Variants in LCA5L observed in about 807,000 individuals in gnomAD.
The protein encoded by LCA5L is lebercilin-like protein.
A neutral mutation model predicts 45.4 loss-of-function variants in LCA5L; 35 were observed. The observed-to-expected ratio is 0.77, with a 90% CI of 0.59 to 1.02. LCA5L has a LOEUF of 1.02. Among genes scored for constraint, LCA5L ranks in the 50% least tolerant of loss-of-function variants. The pLI is 0.00. For synonymous variants in LCA5L, 233 were observed against 264.7 expected (o/e 0.88, Z 1.16); for missense variants, 668 against 761.6 (o/e 0.88, Z 1.45).
At chr21:39,423,826 G>A (rs2074159807) in intron 5 of LCA5L, among the ~76,000 whole-genome samples, 1 of 152,086 alleles carries the variant, frequency 6.6e-6, no homozygotes, top group Admixed American at 6.6e-5. Context: ...TCTAAAATCT[G>A]TACTTAGATT....
At position 39,423,128 on chromosome 21, in the gene LCA5L, T is replaced by C. The variant is rs143721235; in HGVS notation, c.685A>G (p.Arg229Gly). Reference sequence around the variant, plus strand: ...TTCAGTAACTGGCTGTCAGTTTCTCTAAGTTTCCTAGATAGAGTTCTTTCC... The same window carrying C: ...TTCAGTAACTGGCTGTCAGTTTCTCCAAGTTTCCTAGATAGAGTTCTTTCC... ...EKERTLSRKLRETDSQLLKTK... is the reference protein window; with the variant it reads ...EKERTLSRKLGETDSQLLKTK... Residue 229 changes from arginine (R) to glycine (G), a missense_variant, in exon 6 of 11, where the codon AGA (arginine) becomes GGA (glycine). Coordinates refer to ENST00000288350, the MANE Select transcript of LCA5L (RefSeq NM_152505.4). The C allele has an allele frequency of 5.3e-4, 850 of 1,613,924 alleles. 8 individuals carry two copies. In the African/African-American group the frequency reaches 9.8e-3, roughly 19 times the overall value.
At chr21:39,406,641 C>A in intron 10 of LCA5L, 29 bp from the exon 11 acceptor site, 1 of 1,511,026 alleles carries the variant, frequency 6.6e-7, no homozygotes, top group South Asian at 1.3e-5. Context: ...CAATTTAGTG[C>A]TGTTTAAAAT....
rs1282834845 is a variant in LCA5L at position 39,428,452 on chromosome 21, A to G, written c.42T>C (p.His14=). The G allele has an allele frequency of 6.2e-7, 1 of 1,611,814 alleles. No homozygotes were observed. The highest frequency in any genetic ancestry group is 2.2e-5 in the East Asian group (1 of 44,856). Residue 14 remains histidine (H), a synonymous_variant, in exon 5 of 11, where the codon CAT becomes CAC. Transcript: ENST00000288350. ...TGTTTTCTAATGCCACGCCGAAGAAATGCTCATCTATATTTGTTTTTGTTA... is the reference window on the plus strand; with the variant it reads ...TGTTTTCTAATGCCACGCCGAAGAAGTGCTCATCTATATTTGTTTTTGTTA... ...ADLTKTNIDE[H]FFGVALENNR...
rs66478742 is a variant in LCA5L at position 39,414,742 on chromosome 21, C to CTGTGTGTG, written c.976-2948_976-2941dup. On this transcript the variant is annotated intron_variant, in intron 7 of 10. Transcript: ENST00000288350. ...TCTCTCTCTCTCTCTCTCTCTCTCT[C>CTGTGTGTG]TGTGTGTGTGTGTGTGTGTGTGTGT... Among the ~76,000 whole-genome samples the CTGTGTGTG allele has an allele frequency of 2.8e-3, 282 of 99,224 alleles. 6 individuals are homozygous for CTGTGTGTG. Among genetic ancestry groups the CTGTGTGTG allele is most frequent in the African/African-American group, 8.3e-3 (188 of 22,728 alleles). The allele number at this position is 99,224 out of a possible 152,430, so 65.1% of individuals were successfully genotyped here. A position where few individuals can be genotyped will look rare whatever the true frequency, so the allele number is the denominator to read the frequency against.
At chr21:39,420,404 T>G (rs561744300) in intron 7 of LCA5L, among the ~76,000 whole-genome samples, 1 of 150,464 alleles carries the variant, frequency 6.6e-6, no homozygotes, top group East Asian at 2.0e-4. Flanking sequence ...ATGCCTGTAC[T>G]CCTAGCTACT....
At chr21:39,445,483 T>TGA (rs1384926262) in intron 1 of LCA5L, 1 of 152,264 alleles carries the variant, frequency 6.6e-6, no homozygotes, top group Non-Finnish European at 1.5e-5. Context: ...CCAGCGGGCC[T>TGA]GAGAGTACGT....
chr21:39,410,365 A>T lies in LCA5L; in HGVS notation c.1063T>A (p.Ser355Thr). The T allele has an allele frequency of 6.4e-7, 1 of 1,551,778 alleles. No individual in the cohort carries two copies. Among genetic ancestry groups the T allele is most frequent in the South Asian group, 1.1e-5 (1 of 87,170 alleles). The stretch of plus-strand genomic sequence containing the variant: ...TCTGCTTGGACTGATTTTGTTGAAG[A>T]AACTATGGAACAGGTAGATTATATG... ...LHDTEDYPKV[S>T]STKSVQADRK... Residue 355 changes from serine (S) to threonine (T), a missense_variant and splice_region_variant, in exon 9 of 11, where the codon TCT becomes ACT. Transcript: ENST00000288350.
At chr21:39,431,598 A>C (rs2075728995) in intron 3 of LCA5L, among the ~76,000 whole-genome samples, 1 of 151,758 alleles carries the variant, frequency 6.6e-6, no homozygotes, top group Non-Finnish European at 1.5e-5. Context: ...GCTCACTGCA[A>C]CCTCTGCCTC....
At chr21:39,426,347 A>G (rs951986436) in intron 5 of LCA5L, among the ~76,000 whole-genome samples, 7 of 152,224 alleles carry the variant, frequency 4.6e-5, no homozygotes, top group Non-Finnish European at 8.8e-5. Context: ...TTAGAATTCG[A>G]AATGCAATTT....
chr21:39,418,366 T>G (rs993717032), intron 7 of LCA5L, among the ~76,000 whole-genome samples: 17 of 152,330 alleles, frequency 1.1e-4, no homozygotes, highest in Admixed American at 7.8e-4. Context: ...TAGATATCCA[T>G]TGTGTGGAGG....
chr21:39,443,936 CAGG>C (rs1225787436), intron 2 of LCA5L, 196 bp downstream of exon 2: 2 of 151,514 alleles, frequency 1.3e-5, no homozygotes, highest in East Asian at 2.0e-4. Flanking sequence ...CAGGCCGAGG[CAGG>C]AGAATTGCTT....
At chr21:39,412,316 G>C (rs892932001) in intron 7 of LCA5L, among the ~76,000 whole-genome samples, 1 of 152,246 alleles carries the variant, frequency 6.6e-6, no homozygotes, top group East Asian at 1.9e-4. Context: ...CAAGGGCCGG[G>C]GGGGAAGCCT....
intron 2 of LCA5L, among the ~76,000 whole-genome samples, chr21:39,442,225 A>T (rs1467124960): frequency 6.6e-6 from 1 of 152,138 alleles, no homozygotes; most frequent in Non-Finnish European, 1.5e-5. Flanking sequence ...ATGCAGACAG[A>T]GAGGAAAGAA....
Position 39,405,851 on chromosome 21 carries a change from A to G in LCA5L, c.*31T>C. 1.4e-6 allele frequency: 2 copies of G among 1,464,064 alleles called. No individual in the cohort carries two copies. The highest frequency in any genetic ancestry group is 1.8e-6 in the Non-Finnish European group (2 of 1,088,006). 90.7% of individuals were successfully genotyped at this position (1,464,064 alleles called of 1,614,324 possible). On this transcript the variant is annotated 3_prime_UTR_variant, in exon 11 of 11. Coordinates refer to ENST00000288350, the MANE Select transcript of LCA5L (RefSeq NM_152505.4). ...CAAGGCACATAAGCAGCATTATATC[A>G]AACCAGAATGCATTAGGATATTGAT...
chr21:39,427,496 A>G (rs940424604), intron 5 of LCA5L, among the ~76,000 whole-genome samples: 3 of 152,140 alleles, frequency 2.0e-5, no homozygotes, highest in Admixed American at 2.0e-4. Flanking sequence ...CCCTGTCTCT[A>G]CTAAAAATAC....
chr21:39,424,825 T>C (rs2837022), intron 5 of LCA5L, among the ~76,000 whole-genome samples: 13,701 of 152,292 alleles, frequency 0.09, 799 homozygotes, highest in South Asian at 0.13. Context: ...AAAAAGTCTC[T>C]AAAAATTATC....
chr21:39,420,390 T>C (rs907671808), intron 7 of LCA5L, among the ~76,000 whole-genome samples: 1 of 151,594 alleles, frequency 6.6e-6, no homozygotes, highest in Admixed American at 6.6e-5. Context: ...AAGCGTGGTG[T>C]TGCATGCCTG....
intron 2 of LCA5L, chr21:39,436,136 T>C (rs535284839): frequency 6.6e-6 from 1 of 152,296 alleles, no homozygotes; most frequent in South Asian, 2.1e-4. Flanking sequence ...TGAACATAAA[T>C]AATTAAAGTT....
intron 4 of LCA5L, 112 bp downstream of exon 4, chr21:39,429,019 A>G (rs1317554657): frequency 6.6e-6 from 1 of 152,150 alleles, no homozygotes; most frequent in East Asian, 1.9e-4. Context: ...CCCCAAATTT[A>G]TACCCTTAAT....
Sources: gnomAD v4.1 joint callset for allele counts (sites outside exome capture counted in the v4.1 genomes callset) on GRCh38, gnomAD v4.1.1 for gene constraint, MANE v1.5 for transcripts, NCBI Gene and HGNC (gene_info 2026-07-23, HGNC 2026-07-21) for gene names.